Variants in U2SURP observed in about 807,000 individuals in gnomAD.
U2SURP encodes U2 snRNP associated SURP domain containing.
Under a neutral mutation model 144.9 loss-of-function variants are expected in U2SURP, and 9 were observed. That is an observed-to-expected ratio of 0.06 (90% CI 0.04 to 0.11). U2SURP has a LOEUF of 0.11. U2SURP is among the 10% of genes least tolerant of loss of function. The pLI is 1.00. For missense variants in U2SURP, 724 were observed against 1,226.7 expected (o/e 0.59, Z 6.12); for synonymous variants, 408 against 396.8 (o/e 1.03, Z -0.33).
At chr3:143,004,484 C>G (rs1374105902) in intron 1 of U2SURP, among the ~76,000 whole-genome samples, 1 of 147,730 alleles carries the variant, frequency 6.8e-6, no homozygotes, top group Non-Finnish European at 1.5e-5. Context: ...CTGCCTCAGC[C>G]TCCCGAGTAG....
chr3:143,026,615 G>A (rs1218603273), intron 13 of U2SURP: 1 of 151,902 alleles, frequency 6.6e-6, no homozygotes, highest in Admixed American at 6.6e-5. Context: ...GGAGTTGGAT[G>A]GATTTTTTAT....
Position 143,018,373 on chromosome 3 carries a change from A to G in U2SURP, c.570+1398A>G, listed in dbSNP as rs1031793717. ...CATCTTTGTTGTGGCATGAATCAGT[A>G]CTTCATTCCTTTTTGTGGTTGAATA... On this transcript the variant is annotated intron_variant, in intron 6 of 27. Coordinates refer to ENST00000473835, the MANE Select transcript of U2SURP (RefSeq NM_001080415.2). Among the ~76,000 whole-genome samples, 5 of 152,276 alleles carry G rather than the reference A, an allele frequency of 3.3e-5. No homozygotes were observed. The South Asian group carries it at 6.2e-4, about 19-fold the overall frequency.
At chr3:143,045,913 G>A in intron 24 of U2SURP, among the ~76,000 whole-genome samples, 1 of 152,216 alleles carries the variant, frequency 6.6e-6, no homozygotes, top group East Asian at 1.9e-4. Flanking sequence ...ACTTGGACTA[G>A]AACTCGGAGC....
chr3:143,025,873 C>T (rs1343215861), intron 13 of U2SURP: 1 of 151,890 alleles, frequency 6.6e-6, no homozygotes, highest in Admixed American at 6.6e-5. Context: ...ATTATAGTCA[C>T]CTTGAGATAG....
chr3:143,030,666 G>C (rs1235647051), intron 16 of U2SURP, among the ~76,000 whole-genome samples: 2 of 152,160 alleles, frequency 1.3e-5, no homozygotes, highest in Non-Finnish European at 2.9e-5. Context: ...ATAAGGCTGT[G>C]GCTGCCATAG....
In U2SURP at chr3:143,020,968, G is replaced by C. The variant is rs146169704; in HGVS notation, c.733+275G>C. Among the ~76,000 whole-genome samples, 933 of 152,276 alleles carry C rather than the reference G, an allele frequency of 6.1e-3. 5 individuals are homozygous for C. Among genetic ancestry groups the C allele is most frequent in the Middle Eastern group, 0.034 (10 of 294 alleles). On this transcript the variant is annotated intron_variant, in intron 8 of 27. Transcript: ENST00000473835. ...ACACTTTGGGAGGCCGAGGCAAGTG[G>C]ATTACCTAAGGTCAGGAGTTCGAGA...
intron 3 of U2SURP, among the ~76,000 whole-genome samples, chr3:143,013,033 T>A (rs1936194146): frequency 6.6e-6 from 1 of 152,116 alleles, no homozygotes; most frequent in African/African-American, 2.4e-5. Context: ...TTTTAAAATA[T>A]CCTGTTTTTA....
At chr3:143,050,868 A>G in intron 24 of U2SURP, 71 bp from the exon 25 acceptor site, 1 of 1,070,212 alleles carries the variant, frequency 9.3e-7, no homozygotes, top group Non-Finnish European at 1.4e-6. Flanking sequence ...TTGCTATAGA[A>G]AAGAAGCAAA....
chr3:143,001,837 G>T (rs1335988897), intron 1 of U2SURP, among the ~76,000 whole-genome samples, 164 bp downstream of exon 1: 1 of 152,214 alleles, frequency 6.6e-6, no homozygotes, highest in East Asian at 1.9e-4. Context: ...GAGAGGCCTG[G>T]TATCTCCCCA....
At chr3:143,005,951 G>C (rs1057493946) in intron 1 of U2SURP, among the ~76,000 whole-genome samples, 5 of 151,928 alleles carry the variant, frequency 3.3e-5, no homozygotes, top group Non-Finnish European at 7.4e-5. Context: ...TAGTATAGGT[G>C]GTTTTAACAT....
chr3:143,036,170 T>A, intron 20 of U2SURP, 66 bp downstream of exon 20: 1 of 1,497,652 alleles, frequency 6.7e-7, no homozygotes, highest in Non-Finnish European at 8.9e-7. Context: ...TTCTTGGAGT[T>A]GTTCTGTGTT....
intron 14 of U2SURP, 35 bp from the exon 15 acceptor site, chr3:143,028,305 G>T: frequency 6.3e-7 from 1 of 1,576,210 alleles, no homozygotes; most frequent in Non-Finnish European, 8.6e-7. Context: ...CTTTGTTAAA[G>T]AATATGATGT....
At chr3:143,026,970 C>A in intron 13 of U2SURP, 179 bp from the exon 14 acceptor site, 1 of 523,444 alleles carries the variant, frequency 1.9e-6, no homozygotes. Flanking sequence ...CTCCCACTGC[C>A]CCACACCCTC....
intron 27 of U2SURP, 81 bp downstream of exon 27, chr3:143,055,200 G>T: frequency 7.6e-7 from 1 of 1,320,408 alleles, no homozygotes; most frequent in Non-Finnish European, 1.0e-6. Context: ...AATTTGGTTG[G>T]CATACATTTT....
chr3:143,015,786 G>C lies in U2SURP; in HGVS notation c.322-471G>C, dbSNP rs116444421. On this transcript the variant is annotated intron_variant, in intron 4 of 27. Coordinates refer to ENST00000473835, the MANE Select transcript of U2SURP (RefSeq NM_001080415.2). ...TAATTGAAAATATCAAGATTCTTCT[G>C]AGCTTTCTTTATATCAAGATTCTTC... Among the ~76,000 whole-genome samples, 1,304 of 152,048 alleles carry C rather than the reference G, an allele frequency of 8.6e-3. 22 individuals are homozygous for C. Among genetic ancestry groups the C allele is most frequent in the African/African-American group, 0.03 (1,231 of 41,492 alleles).
At chr3:143,043,480 T>C (rs527730696) in intron 24 of U2SURP, among the ~76,000 whole-genome samples, 1 of 152,320 alleles carries the variant, frequency 6.6e-6, no homozygotes, top group Non-Finnish European at 1.5e-5. Flanking sequence ...TGGACTTACT[T>C]GCTTCTTCCT....
intron 25 of U2SURP, among the ~76,000 whole-genome samples, chr3:143,052,184 C>T (rs553185435): frequency 2.0e-5 from 3 of 152,146 alleles, no homozygotes; most frequent in Non-Finnish European, 4.4e-5. Flanking sequence ...CACCTGAGGT[C>T]AGGAGTTCAA....
At chr3:143,040,076 C>T (rs1342552270) in intron 23 of U2SURP, among the ~76,000 whole-genome samples, 1 of 151,792 alleles carries the variant, frequency 6.6e-6, no homozygotes, top group African/African-American at 2.4e-5. Context: ...AACATCTTAC[C>T]ATTTTAGAAT....
Position 143,057,570 on chromosome 3 carries a change from T to G in U2SURP, c.*1120T>G, listed in dbSNP as rs565046965. 6.6e-6 allele frequency: 1 copy of G among 152,192 alleles called. No individual in the cohort carries two copies. The highest frequency in any genetic ancestry group is 6.5e-5 in the Admixed American group (1 of 15,288). The allele number at this position is 152,192 out of a possible 1,614,324, so 9.4% of individuals were successfully genotyped here. ...TATTATGAAAATAAATTTGCTACGG[T>G]ATGAGGAAGAAATAAAACTTGTGTA... On this transcript the variant is annotated 3_prime_UTR_variant, in exon 28 of 28. Coordinates refer to ENST00000473835, the MANE Select transcript of U2SURP (RefSeq NM_001080415.2).
Sources: gnomAD v4.1 joint callset for allele counts (sites outside exome capture counted in the v4.1 genomes callset) on GRCh38, gnomAD v4.1.1 for gene constraint, MANE v1.5 for transcripts, NCBI Gene and HGNC (gene_info 2026-07-23, HGNC 2026-07-21) for gene names.